Variants in DPP10 observed in about 807,000 individuals in gnomAD.
DPP10 encodes inactive dipeptidyl peptidase 10.
A neutral mutation model predicts 120.9 loss-of-function variants in DPP10; 33 were observed. The ratio of observed to expected loss-of-function variants is 0.27; its 90% CI spans 0.21 to 0.37. The LOEUF is 0.37. Among genes scored for constraint, DPP10 ranks in the 10% least tolerant of loss-of-function variants. DPP10 has a pLI of 1.00. For synonymous variants in DPP10, 337 were observed against 326.1 expected, an observed-to-expected ratio of 1.03 and a Z score of -0.36; for missense variants, 816 against 942.8, an observed-to-expected ratio of 0.87 and a Z score of 1.76.
chr2:115,212,175 C>T (rs1028554905), intron 1 of DPP10, among the ~76,000 whole-genome samples: 1 of 152,048 alleles, frequency 6.6e-6, no homozygotes, highest in Admixed American at 6.6e-5. Flanking sequence ...CTTACTGTTC[C>T]CTAAAGCACT....
intron 1 of DPP10, among the ~76,000 whole-genome samples, chr2:114,804,937 C>T (rs1684590095): frequency 6.6e-6 from 1 of 152,072 alleles, no homozygotes; most frequent in Non-Finnish European, 1.5e-5. Context: ...CGTCCCCACC[C>T]AAATCTCAAT....
chr2:114,899,997 A>C (rs1389192314), intron 1 of DPP10, among the ~76,000 whole-genome samples: 2 of 152,184 alleles, frequency 1.3e-5, no homozygotes, highest in Non-Finnish European at 2.9e-5. Context: ...ATTCGTGTTA[A>C]TTTATGTAGC....
chr2:115,434,020 G>C (rs1452558945), intron 3 of DPP10, among the ~76,000 whole-genome samples: 2 of 151,768 alleles, frequency 1.3e-5, no homozygotes, highest in African/African-American at 2.4e-5. Context: ...TTTATACTTT[G>C]GTAATAGTTT....
intron 10 of DPP10, among the ~76,000 whole-genome samples, chr2:115,751,692 A>T (rs938719715): frequency 6.6e-6 from 1 of 151,954 alleles, no homozygotes; most frequent in Admixed American, 6.6e-5. Context: ...TGTATATCTA[A>T]CCCAGATACC....
intron 3 of DPP10, among the ~76,000 whole-genome samples, chr2:115,435,040 A>G (rs1031427774): frequency 2.6e-5 from 2 of 77,426 alleles, no homozygotes; most frequent in Non-Finnish European, 5.4e-5. Flanking sequence ...ATATTTCTAT[A>G]CACATGCACA....
intron 1 of DPP10, among the ~76,000 whole-genome samples, chr2:114,562,836 T>C (rs187038824): frequency 1.1e-3 from 173 of 152,338 alleles, no homozygotes; most frequent in African/African-American, 3.8e-3. Context: ...ATTGAGTTGA[T>C]TTAATGTGAA....
chr2:114,718,650 T>C (rs958449857), intron 1 of DPP10, among the ~76,000 whole-genome samples: 2 of 152,094 alleles, frequency 1.3e-5, no homozygotes, highest in Non-Finnish European at 2.9e-5. Context: ...GTTAAACAAA[T>C]CTGTTCAAGG....
At chr2:115,203,642 C>T (rs192011702) in intron 1 of DPP10, among the ~76,000 whole-genome samples, 62 of 152,200 alleles carry the variant, frequency 4.1e-4, no homozygotes, top group African/African-American at 1.5e-3. Flanking sequence ...CATACACCCC[C>T]ACACCCAGAC....
chr2:114,462,194 T>C, intron 1 of DPP10: 1 of 979,770 alleles, frequency 1.0e-6, no homozygotes, highest in Non-Finnish European at 1.2e-6. Flanking sequence ...GTTTGATATT[T>C]ACCGACAAGT....
chr2:114,685,607 A>ACT (rs933539965), intron 1 of DPP10, among the ~76,000 whole-genome samples: 1 of 151,764 alleles, frequency 6.6e-6, no homozygotes, highest in Non-Finnish European at 1.5e-5. Context: ...TTCACCCTAA[A>ACT]CTCGCAATTC....
chr2:115,729,093 A>T (rs866777368), intron 8 of DPP10, among the ~76,000 whole-genome samples: 2 of 152,210 alleles, frequency 1.3e-5, no homozygotes, highest in Admixed American at 6.5e-5. Flanking sequence ...ATGCTGTGAA[A>T]GTATATATTA....
chr2:114,520,104 A>G (rs1254827995), intron 1 of DPP10, among the ~76,000 whole-genome samples: 1 of 152,264 alleles, frequency 6.6e-6, no homozygotes, highest in Non-Finnish European at 1.5e-5. Flanking sequence ...TTCCCTGGTC[A>G]GGAACAAAGC....
intron 1 of DPP10, among the ~76,000 whole-genome samples, chr2:114,794,308 A>G (rs1332582014): frequency 6.6e-6 from 1 of 152,188 alleles, no homozygotes; most frequent in Non-Finnish European, 1.5e-5. Flanking sequence ...TCACACAGCC[A>G]TGAAAGAGAA....
intron 1 of DPP10, among the ~76,000 whole-genome samples, chr2:115,245,629 T>C (rs969062888): frequency 2.6e-5 from 4 of 152,164 alleles, no homozygotes; most frequent in Non-Finnish European, 5.9e-5. Context: ...CAATATTGGG[T>C]ATCTACCCAG....
intron 1 of DPP10, among the ~76,000 whole-genome samples, chr2:115,123,049 G>A (rs1357794514): frequency 3.3e-5 from 5 of 152,168 alleles, no homozygotes; most frequent in Non-Finnish European, 7.3e-5. Context: ...TTACCACTAG[G>A]GAATGTGCCT....
intron 5 of DPP10, among the ~76,000 whole-genome samples, chr2:115,633,702 G>T (rs1462284383): frequency 6.6e-6 from 1 of 152,030 alleles, no homozygotes; most frequent in Non-Finnish European, 1.5e-5. Context: ...TTTTTCTCTG[G>T]CTGCCTTTAA....
intron 5 of DPP10, among the ~76,000 whole-genome samples, chr2:115,545,080 A>T (rs1349021446): frequency 3.3e-5 from 5 of 152,062 alleles, no homozygotes; most frequent in African/African-American, 1.2e-4. Flanking sequence ...AGTGACAAAA[A>T]AATCTAGGCA....
intron 1 of DPP10, among the ~76,000 whole-genome samples, chr2:114,574,675 G>A (rs143963811): frequency 2.0e-5 from 3 of 152,222 alleles, no homozygotes; most frequent in East Asian, 1.9e-4. Flanking sequence ...AATAGCAACC[G>A]CAACACAAAA....
intron 3 of DPP10, among the ~76,000 whole-genome samples, chr2:115,360,689 A>T (rs906646955): frequency 6.6e-6 from 1 of 152,074 alleles, no homozygotes; most frequent in Non-Finnish European, 1.5e-5. Context: ...GCTCCAAGGG[A>T]GGCCTAGGCT....
Sources: gnomAD v4.1 joint callset for allele counts (sites outside exome capture counted in the v4.1 genomes callset) on GRCh38, gnomAD v4.1.1 for gene constraint, MANE v1.5 for transcripts, NCBI Gene and HGNC (gene_info 2026-07-23, HGNC 2026-07-21) for gene names.